ELAVL2: variants seen among roughly 807,000 people sequenced by gnomAD.
ELAVL2 encodes ELAV like RNA binding protein 2, also known as ELAV-like protein 2.
ELAVL2 carries 4 observed loss-of-function variants against 34.6 expected under a neutral mutation model. The ratio of observed to expected loss-of-function variants is 0.12; its 90% CI spans 0.06 to 0.26. The LOEUF is 0.26. Among genes scored for constraint, ELAVL2 ranks in the 10% least tolerant of loss-of-function variants. The pLI is 1.00. For synonymous variants in ELAVL2, 193 were observed against 154.8 expected, an observed-to-expected ratio of 1.25 and a Z score of -1.83; for missense variants, 432 against 442.8, an observed-to-expected ratio of 0.98 and a Z score of 0.22.
chr9:23,797,162 G>C (rs1012111560), intron 1 of ELAVL2, among the ~76,000 whole-genome samples: 1 of 152,136 alleles, frequency 6.6e-6, no homozygotes, highest in Non-Finnish European at 1.5e-5. Context: ...TTTAAGATTC[G>C]AGACAAAAAT....
intron 5 of ELAVL2, among the ~76,000 whole-genome samples, chr9:23,694,022 G>A (rs886538553): frequency 4.6e-5 from 7 of 152,090 alleles, no homozygotes; most frequent in African/African-American, 1.7e-4. Flanking sequence ...TAGAATCAAG[G>A]AGGTATAATT....
intron 1 of ELAVL2, among the ~76,000 whole-genome samples, chr9:23,766,160 C>T (rs936438226): frequency 2.0e-5 from 3 of 152,000 alleles, no homozygotes; most frequent in African/African-American, 7.3e-5. Flanking sequence ...TTAGCAATGC[C>T]GCCAGTAACG....
intron 1 of ELAVL2, among the ~76,000 whole-genome samples, chr9:23,778,752 C>T (rs1417620881): frequency 1.3e-5 from 2 of 152,112 alleles, no homozygotes; most frequent in Non-Finnish European, 2.9e-5. Flanking sequence ...ACCTAATCAT[C>T]TGTGAAAATA....
chr9:23,845,314 T>C, the ELAVL2 span, among the ~76,000 whole-genome samples: 1 of 151,728 alleles, frequency 6.6e-6, no homozygotes, highest in African/African-American at 2.4e-5. Context: ...AGAAAAATTG[T>C]ATAGACGGTT....
chr9:23,774,712 C>G (rs1339859143), intron 1 of ELAVL2, among the ~76,000 whole-genome samples: 1 of 144,468 alleles, frequency 6.9e-6, no homozygotes, highest in Non-Finnish European at 1.5e-5. Context: ...CCTGCTTATG[C>G]TCAGGCTCTT....
At chr9:23,804,658 G>A (rs1370501154) in intron 1 of ELAVL2, among the ~76,000 whole-genome samples, 1 of 152,052 alleles carries the variant, frequency 6.6e-6, no homozygotes, top group African/African-American at 2.4e-5. Flanking sequence ...TTTTAATTAC[G>A]CTAGTCACTG....
At chr9:23,809,185 T>G (rs2062644922) in intron 1 of ELAVL2, among the ~76,000 whole-genome samples, 1 of 152,096 alleles carries the variant, frequency 6.6e-6, no homozygotes, top group Non-Finnish European at 1.5e-5. Flanking sequence ...GTTGGCCAAT[T>G]TTATACCAGA....
intron 1 of ELAVL2, among the ~76,000 whole-genome samples, chr9:23,785,272 GTGTT>G (rs2059546970): frequency 6.6e-6 from 1 of 152,164 alleles, no homozygotes; most frequent in Non-Finnish European, 1.5e-5. Context: ...TGAAAACAAA[GTGTT>G]TATCAAGGAA....
At chr9:23,699,931 G>A (rs73654354) in intron 5 of ELAVL2, among the ~76,000 whole-genome samples, 3,022 of 145,418 alleles carry the variant, frequency 0.021, 51 homozygotes, top group South Asian at 0.053. Flanking sequence ...CTTCTCCCAC[G>A]GCAAAGGCCA....
rs144544660 is a variant in ELAVL2 at position 23,783,294 on chromosome 9, T to C, written c.-15-21045A>G. 9.5e-3 allele frequency among the ~76,000 whole-genome samples: 1,443 copies of C among 152,244 alleles called. 7 individuals are homozygous for C. Among genetic ancestry groups the C allele is most frequent in the Middle Eastern group, 0.024 (7 of 294 alleles). On this transcript the variant is annotated intron_variant, in intron 1 of 6. Coordinates refer to ENST00000397312, the MANE Select transcript of ELAVL2 (RefSeq NM_004432.5). The stretch of plus-strand genomic sequence containing the variant: ...AAACTAGCTTGTAAACAAAAGTAAA[T>C]ATTCAAGGTGCCAAGACTGGAAGAC...
chr9:23,769,065 C>CA (rs963882895), intron 1 of ELAVL2, among the ~76,000 whole-genome samples: 19 of 152,096 alleles, frequency 1.2e-4, no homozygotes, highest in African/African-American at 4.6e-4. Context: ...CCTGAGTATT[C>CA]AAACACAGCA....
chr9:23,828,826 C>A (rs2065410612), upstream of ELAVL2, among the ~76,000 whole-genome samples: 1 of 152,038 alleles, frequency 6.6e-6, no homozygotes, highest in Non-Finnish European at 1.5e-5. Context: ...GCAACATGTA[C>A]TTTTTCAACT....
intron 1 of ELAVL2, among the ~76,000 whole-genome samples, chr9:23,797,922 CTG>C (rs1351486938): frequency 6.6e-6 from 1 of 151,054 alleles, no homozygotes; most frequent in Non-Finnish European, 1.5e-5. Context: ...GAGTGAAACT[CTG>C]TCTCAAAAGA....
At chr9:23,800,029 T>G (rs1414091650) in intron 1 of ELAVL2, among the ~76,000 whole-genome samples, 1 of 152,162 alleles carries the variant, frequency 6.6e-6, no homozygotes, top group Non-Finnish European at 1.5e-5. Context: ...AAACAAAGCA[T>G]TAAAGAAACA....
At chr9:23,732,670 A>G (rs2046870243) in intron 2 of ELAVL2, among the ~76,000 whole-genome samples, 1 of 152,174 alleles carries the variant, frequency 6.6e-6, no homozygotes, top group Non-Finnish European at 1.5e-5. Context: ...GAATGTAACA[A>G]AATCTGCTCA....
rs2033039241 is a variant in ELAVL2, at chr9:23,691,152, A to C, written c.*1405T>G. 1.3e-5 allele frequency: 2 copies of C among 152,552 alleles called. No individual in the cohort carries two copies. The highest frequency in any genetic ancestry group is 4.1e-4 in the South Asian group (2 of 4,824). 9.4% of individuals were successfully genotyped at this position (152,552 alleles called of 1,614,324 possible). A position where few individuals can be genotyped will look rare whatever the true frequency, so the allele number is the denominator to read the frequency against. On this transcript the variant is annotated 3_prime_UTR_variant, in exon 7 of 7. Coordinates refer to ENST00000397312, the MANE Select transcript of ELAVL2 (RefSeq NM_004432.5). ...GTAAATTCAAGTCCTCAGGACAACA[A>C]AAGTGATTAAGCAAGACCTCAAGTA... is the stretch of plus-strand genomic sequence containing the variant.
chr9:23,746,123 G>A (rs1040567076), intron 2 of ELAVL2, among the ~76,000 whole-genome samples: 1 of 152,070 alleles, frequency 6.6e-6, no homozygotes, highest in Non-Finnish European at 1.5e-5. Context: ...ACACAAATAT[G>A]AGTAAATTGT....
At chr9:23,706,079 TTGTC>T (rs1488069890) in intron 3 of ELAVL2, among the ~76,000 whole-genome samples, 4 of 152,198 alleles carry the variant, frequency 2.6e-5, no homozygotes, top group Admixed American at 2.6e-4. Flanking sequence ...TCATTATCCT[TTGTC>T]TGTTGTCTTC....
chr9:23,789,606 T>C (rs1386152895), intron 1 of ELAVL2, among the ~76,000 whole-genome samples: 2 of 152,176 alleles, frequency 1.3e-5, no homozygotes, highest in Non-Finnish European at 2.9e-5. Context: ...TCACAAACCT[T>C]ATTTTGTCTT....
Sources: gnomAD v4.1 joint callset for allele counts (sites outside exome capture counted in the v4.1 genomes callset) on GRCh38, gnomAD v4.1.1 for gene constraint, MANE v1.5 for transcripts, NCBI Gene and HGNC (gene_info 2026-07-23, HGNC 2026-07-21) for gene names.